Variants in SPEF2 observed in about 807,000 individuals in gnomAD.
SPEF2 encodes sperm flagellar and cilia associated 2, also known as sperm flagella and cilia-associated protein 2.
Under a neutral mutation model 224.6 loss-of-function variants are expected in SPEF2, and 187 were observed. The observed-to-expected ratio is 0.83, with a 90% confidence interval of 0.74 to 0.94. SPEF2 has a LOEUF of 0.94. Among genes scored for constraint, SPEF2 ranks in the 40% least tolerant of loss-of-function variants. SPEF2 has a pLI of 0.00. For missense variants in SPEF2, 2,170 were observed against 2,135.6 expected (o/e 1.02, Z -0.32); for synonymous variants, 715 against 707.3 (o/e 1.01, Z -0.17).
intron 1 of SPEF2, among the ~76,000 whole-genome samples, chr5:35,621,943 A>T (rs1743581249): frequency 6.6e-6 from 1 of 152,230 alleles, no homozygotes; most frequent in Non-Finnish European, 1.5e-5. Context: ...ACTGTTCAAT[A>T]GTATTTTCCA....
chr5:35,663,888 C>T (rs1750070834), intron 8 of SPEF2, among the ~76,000 whole-genome samples: 1 of 152,120 alleles, frequency 6.6e-6, no homozygotes, highest in Admixed American at 6.5e-5. Context: ...CAACATGCTA[C>T]CCTCAGTGGC....
rs887283554 is a variant in SPEF2, at chr5:35,692,722, C to A, written c.1897C>A (p.Gln633Lys). 1 of 1,610,494 alleles carries A rather than the reference C, an allele frequency of 6.2e-7. No individual in the cohort carries two copies. The highest frequency in any genetic ancestry group is 1.3e-5 in the African/African-American group (1 of 74,358). ...PVLQEEIKES[Q>K]DPQHVFSAGP... is the part of the protein sequence containing the mutation. Reference sequence around the variant, plus strand: ...TCTGCAAGAGGAGATTAAAGAAAGCCAGGCAAGTGTGATTCTAGTTTTCTC... The same window carrying A: ...TCTGCAAGAGGAGATTAAAGAAAGCAAGGCAAGTGTGATTCTAGTTTTCTC... The change falls in exon 12 of 37, where the codon CAG becomes AAG. Residue 633 changes from glutamine to lysine, a missense_variant and splice_region_variant. Physicochemically the swap from Gln to Lys is moderately conservative, Grantham distance 53 (BLOSUM62 1). Transcript: ENST00000356031.
chr5:35,620,800 A>G (rs1743397934), intron 1 of SPEF2, among the ~76,000 whole-genome samples: 1 of 152,188 alleles, frequency 6.6e-6, no homozygotes, highest in Non-Finnish European at 1.5e-5. Flanking sequence ...GACTAGTATA[A>G]TTATATATTT....
chr5:35,651,439 C>G (rs1748175756), intron 6 of SPEF2, among the ~76,000 whole-genome samples: 1 of 152,174 alleles, frequency 6.6e-6, no homozygotes, highest in Admixed American at 6.6e-5. Flanking sequence ...GGCCAGTTAC[C>G]TGTGGCTGTG....
intron 12 of SPEF2, among the ~76,000 whole-genome samples, chr5:35,693,398 T>A (rs1053222329): frequency 2.0e-5 from 3 of 152,168 alleles, no homozygotes; most frequent in African/African-American, 7.2e-5. Context: ...TGAGCTGTAG[T>A]ATGCTGACAC....
At chr5:35,745,241 G>C (rs944919569) in intron 23 of SPEF2, among the ~76,000 whole-genome samples, 1 of 152,198 alleles carries the variant, frequency 6.6e-6, no homozygotes, top group African/African-American at 2.4e-5. Context: ...GGCCAGAGGA[G>C]CAGGGGGTAA....
At chr5:35,793,523 TC>T (rs767067317) in intron 32 of SPEF2, among the ~76,000 whole-genome samples, 182 bp downstream of exon 32, 2 of 152,060 alleles carry the variant, frequency 1.3e-5, no homozygotes, top group Non-Finnish European at 2.9e-5. Context: ...CTGGCTTCCA[TC>T]CCCAGGGAAA....
At chr5:35,695,866 G>A (rs373165817) in intron 14 of SPEF2, 70 bp downstream of exon 14, 14 of 1,179,920 alleles carry the variant, frequency 1.2e-5, no homozygotes, top group Non-Finnish European at 1.4e-5. Flanking sequence ...GTTTTGGAGT[G>A]TCTTCGAATG....
At chr5:35,789,467 T>A (rs1340079579) in intron 30 of SPEF2, 2 of 667,214 alleles carry the variant, frequency 3.0e-6, no homozygotes, top group Non-Finnish European at 5.4e-6. Context: ...ATTTGTTAGT[T>A]GTTATTTGGG....
Position 35,693,392 on chromosome 5 carries a change from CTGTAGT to C in SPEF2, c.1899+669_1899+674del, listed in dbSNP as rs1754808974. Among the ~76,000 whole-genome samples the C allele has an allele frequency of 5.9e-5, 9 of 152,230 alleles. No homozygotes were observed. The South Asian group carries it at 1.9e-3, about 32-fold the overall frequency. The stretch of plus-strand genomic sequence containing the variant: ...TCGGCAGGCCTTTGTGGTCTATGAG[CTGTAGT>C]ATGCTGACACCTGATCTATATTAGT... On this transcript the variant is annotated intron_variant, in intron 12 of 36. Transcript: ENST00000356031.
intron 21 of SPEF2, among the ~76,000 whole-genome samples, chr5:35,728,665 A>G (rs531666408): frequency 2.6e-5 from 4 of 152,320 alleles, no homozygotes; most frequent in African/African-American, 9.6e-5. Flanking sequence ...TGGCGAGGGT[A>G]GGAACATGGA....
chr5:35,727,590 C>A, intron 20 of SPEF2, 85 bp from the exon 21 acceptor site: 1 of 1,158,556 alleles, frequency 8.6e-7, no homozygotes, highest in Non-Finnish European at 1.2e-6. Flanking sequence ...ACCTGAAGTC[C>A]ATGGTAATTA....
Position 35,721,492 on chromosome 5 carries a change from A to G in SPEF2, c.2915-6183A>G, listed in dbSNP as rs544619045. ...CAGACCTTACCAATTGTGAAGCCGC[A>G]TGTCAAATAGTTCTCAAAACCCAAA... On this transcript the variant is annotated intron_variant, in intron 20 of 36. Coordinates refer to ENST00000356031, the MANE Select transcript of SPEF2 (RefSeq NM_024867.4). 3.9e-5 allele frequency among the ~76,000 whole-genome samples: 6 copies of G among 152,294 alleles called. No homozygotes were observed. In the South Asian group the frequency reaches 8.3e-4, roughly 21 times the overall value.
At chr5:35,814,299 G>A (rs987649013) in intron 36 of SPEF2, among the ~76,000 whole-genome samples, 165 bp from the exon 37 acceptor site, 2 of 152,082 alleles carry the variant, frequency 1.3e-5, no homozygotes, top group African/African-American at 4.8e-5. Flanking sequence ...TAAGTCTCAG[G>A]GTGGGATTAA....
intron 27 of SPEF2, 147 bp downstream of exon 27, chr5:35,771,903 T>C: frequency 2.8e-6 from 3 of 1,064,434 alleles, no homozygotes; most frequent in Non-Finnish European, 3.9e-6. Flanking sequence ...TTCTATGATT[T>C]GTGGTGTTAG....
intron 2 of SPEF2, among the ~76,000 whole-genome samples, chr5:35,640,993 T>C (rs1388051846): frequency 6.6e-6 from 1 of 152,192 alleles, no homozygotes; most frequent in Non-Finnish European, 1.5e-5. Context: ...GCTTTGTCTG[T>C]ATGTATAAAT....
intron 36 of SPEF2, among the ~76,000 whole-genome samples, chr5:35,809,776 G>A (rs536419262): frequency 5.9e-5 from 9 of 152,140 alleles, no homozygotes; most frequent in Admixed American, 1.3e-4. Context: ...CATTCCTTGG[G>A]GATATTGTGC....
intron 20 of SPEF2, among the ~76,000 whole-genome samples, chr5:35,713,553 G>T (rs950526804): frequency 1.3e-5 from 2 of 151,156 alleles, no homozygotes; most frequent in Non-Finnish European, 2.9e-5. Context: ...GGCCAACATG[G>T]TGAAACCCCA....
In SPEF2 at chr5:35,776,364, C is replaced by G; in HGVS notation, c.4186C>G (p.Leu1396Val). The G allele has an allele frequency of 6.2e-7, 1 of 1,610,104 alleles. No individual in the cohort carries two copies. The highest frequency in any genetic ancestry group is 1.7e-5 in the Admixed American group (1 of 59,224). Reference protein sequence around the residue: ...VDVYKLMEKWLGERYLNEMAS... With the variant: ...VDVYKLMEKWVGERYLNEMAS... ...TGTATATAAACTCATGGAAAAATGG[C>G]TTGGTGAGAGGTATTTGAATGAAAT... The change falls in exon 29 of 37, where the codon CTT becomes GTT. Residue 1396 changes from leucine to valine, a missense_variant. Transcript: ENST00000356031.
Sources: allele counts gnomAD v4.1 joint callset (sites outside exome capture counted in the v4.1 genomes callset), GRCh38; gene constraint gnomAD v4.1.1; transcripts MANE v1.5; gene names NCBI Gene and HGNC (gene_info 2026-07-23, HGNC 2026-07-21).